TRPV5: variants seen among roughly 807,000 people sequenced by gnomAD.
TRPV5 encodes the protein calcium transport protein 2.
A neutral mutation model predicts 74.1 loss-of-function variants in TRPV5; 66 were observed. The ratio of observed to expected loss-of-function variants is 0.89; its 90% confidence interval spans 0.73 to 1.09. The LOEUF is 1.09. Ranked by LOEUF, TRPV5 falls within the 50% of genes least tolerant of loss-of-function variation. TRPV5 has a pLI of 0.00. For synonymous variants in TRPV5, 399 were observed against 360.7 expected (o/e 1.11, Z -1.20); for missense variants, 936 against 930.4 (o/e 1.01, Z -0.08).
At chr7:142,927,550 A>G (rs1796008088) in intron 7 of TRPV5, among the ~76,000 whole-genome samples, 1 of 152,194 alleles carries the variant, frequency 6.6e-6, no homozygotes, top group South Asian at 2.1e-4. Flanking sequence ...GCAAAAGGCC[A>G]AGAAGAAAGC....
chr7:142,924,124 C>A (rs1795927725), intron 8 of TRPV5, among the ~76,000 whole-genome samples: 1 of 151,586 alleles, frequency 6.6e-6, no homozygotes, highest in Non-Finnish European at 1.5e-5. Flanking sequence ...TGCAGCACAA[C>A]TGCTTCCAGT....
intron 13 of TRPV5, among the ~76,000 whole-genome samples, chr7:142,911,915 T>A (rs1214310906): frequency 6.6e-6 from 1 of 152,216 alleles, no homozygotes; most frequent in Non-Finnish European, 1.5e-5. Context: ...AAATGTCTAA[T>A]AACAAAATCT....
chr7:142,927,250 C>T (rs945190512), intron 7 of TRPV5, among the ~76,000 whole-genome samples: 2 of 152,206 alleles, frequency 1.3e-5, no homozygotes, highest in Non-Finnish European at 1.5e-5. Flanking sequence ...ATGCATGGTA[C>T]ACACAACTAT....
Position 142,909,534 on chromosome 7 carries a change from C to G in TRPV5, c.1851G>C (p.Gly617=). The G allele has an allele frequency of 5.6e-6, 9 of 1,614,130 alleles. No individual in the cohort carries two copies. The highest frequency in any genetic ancestry group is 6.8e-6 in the Non-Finnish European group (8 of 1,180,042). ...KLPRCLWPRS[G]ICGCEFGLGD... is the part of the protein sequence containing the mutation. Reference sequence around the variant, plus strand: ...CCAGCCCGAATTCGCACCCACAGATCCCGGAGCGAGGCCACAGGCAGCGAG... The same window carrying G: ...CCAGCCCGAATTCGCACCCACAGATGCCGGAGCGAGGCCACAGGCAGCGAG... Residue 617 remains glycine (G), a synonymous_variant, in exon 14 of 15, where the codon GGG becomes GGC. Coordinates refer to ENST00000265310, the MANE Select transcript of TRPV5 (RefSeq NM_019841.7).
At chr7:142,912,203 A>C (rs1795711477) in intron 13 of TRPV5, among the ~76,000 whole-genome samples, 1 of 152,228 alleles carries the variant, frequency 6.6e-6, no homozygotes, top group African/African-American at 2.4e-5. Flanking sequence ...TACCAGAACA[A>C]GGTCACTTCT....
Position 142,909,470 on chromosome 7 carries a change from A to G in TRPV5, c.1895+20T>C. The G allele has an allele frequency of 6.2e-7, 1 of 1,612,984 alleles. No individual in the cohort carries two copies. On this transcript the variant is annotated intron_variant, in intron 14 of 14. Transcript: ENST00000265310. ...GCCTTATACACATCTGCAGTTTTGC[A>G]TGTGCACACCATCACTCACCGCAGG...
At chr7:142,924,145 C>T (rs1266470201) in intron 8 of TRPV5, among the ~76,000 whole-genome samples, 2 of 151,128 alleles carry the variant, frequency 1.3e-5, no homozygotes, top group African/African-American at 2.4e-5. Flanking sequence ...GTCTCTAACA[C>T]ATTCAGGCTT....
At chr7:142,929,655 C>G (rs1796050861) in intron 3 of TRPV5, 90 bp from the exon 4 acceptor site, 1 of 1,554,464 alleles carries the variant, frequency 6.4e-7, no homozygotes, top group Non-Finnish European at 8.7e-7. Context: ...TCAGGAGGTT[C>G]CTGATAGATC....
chr7:142,909,090 G>A (rs1230777497), intron 14 of TRPV5, among the ~76,000 whole-genome samples: 1 of 152,092 alleles, frequency 6.6e-6, no homozygotes, highest in Admixed American at 6.5e-5. Context: ...ATGTGAAAGA[G>A]AAAACAGAGC....
At position 142,916,923 on chromosome 7, in the gene TRPV5, G is replaced by A. The variant is rs188405752; in HGVS notation, c.1123-1355C>T. Among the ~76,000 whole-genome samples the A allele has an allele frequency of 3.3e-5, 5 of 150,454 alleles. No individual in the cohort carries two copies. In the East Asian group the frequency reaches 9.7e-4, roughly 29 times the overall value. On this transcript the variant is annotated intron_variant, in intron 8 of 14. Transcript: ENST00000265310. ...TTTTTCTTTTTTGGCTTAAAAAATG[G>A]TATGCTCTGTAAACTTTTCTGACAT...
At chr7:142,930,003 C>G in intron 3 of TRPV5, 55 bp downstream of exon 3, 4 of 1,612,674 alleles carry the variant, frequency 2.5e-6, no homozygotes, top group South Asian at 2.2e-5. Context: ...TAAGAGACAA[C>G]AGCACACCCT....
chr7:142,908,239 G>T lies in TRPV5; in HGVS notation c.*275C>A. ...GAGAAATGGTCCTGACATTAATCTA[G>T]CATCCCTGCCTCATGTCTTTAGTTG... On this transcript the variant is annotated 3_prime_UTR_variant, in exon 15 of 15. Transcript: ENST00000265310. 1 of 535,840 alleles carries T rather than the reference G, an allele frequency of 1.9e-6. No individual in the cohort carries two copies. Among genetic ancestry groups the T allele is most frequent in the Non-Finnish European group, 3.3e-6 (1 of 300,784 alleles). The allele number at this position is 535,840 out of a possible 1,614,324, so 33.2% of individuals were successfully genotyped here. A position where few individuals can be genotyped will look rare whatever the true frequency, so the allele number is the denominator to read the frequency against.
At chr7:142,921,304 C>T (rs907300618) in intron 8 of TRPV5, among the ~76,000 whole-genome samples, 7 of 152,274 alleles carry the variant, frequency 4.6e-5, no homozygotes, top group Middle Eastern at 3.4e-3. Flanking sequence ...TATTTTGAGA[C>T]GGAGTCTCAT....
At chr7:142,933,009 G>A (rs1796121493) in intron 1 of TRPV5, among the ~76,000 whole-genome samples, 2 of 152,128 alleles carry the variant, frequency 1.3e-5, no homozygotes, top group Admixed American at 6.5e-5. Flanking sequence ...GCCTGCTTCT[G>A]CCTTCCCTCC....
At chr7:142,931,017 A>ATTTTTTTTTTTTTTTTTTTTTTTTTTTTT (rs35738386) in intron 1 of TRPV5, among the ~76,000 whole-genome samples, 6 of 100,342 alleles carry the variant, frequency 6.0e-5, no homozygotes, top group Non-Finnish European at 7.3e-5. Flanking sequence ...CCCTCAGGCT[A>ATTTTTTTTTTTTTTTTTTTTTTTTTTTTT]TTTTTTTTTT....
Position 142,909,521 on chromosome 7 carries a change from C to A in TRPV5, c.1864G>T (p.Glu622Ter). 1 of 1,614,080 alleles carries A rather than the reference C, an allele frequency of 6.2e-7. No homozygotes were observed. Among genetic ancestry groups the A allele is most frequent in the Non-Finnish European group, 8.5e-7 (1 of 1,180,038 alleles). ...AACCAGCGGTCCCCCAGCCCGAATT[C>A]GCACCCACAGATCCCGGAGCGAGGC... ...LWPRSGICGC[E>*]FGLGDRWFLR... Residue 622 changes from glutamate to a stop codon, truncating the protein, a stop_gained, in exon 14 of 15, where the codon GAA (glutamate) becomes TAA (stop). Coordinates refer to ENST00000265310, the MANE Select transcript of TRPV5 (RefSeq NM_019841.7). LOFTEE classifies it high-confidence loss of function.
chr7:142,917,835 A>G (rs1795825605), intron 8 of TRPV5, among the ~76,000 whole-genome samples: 1 of 152,208 alleles, frequency 6.6e-6, no homozygotes, highest in Non-Finnish European at 1.5e-5. Context: ...AGACCAGAAT[A>G]CAAACCCTTC....
intron 10 of TRPV5, 31 bp from the exon 11 acceptor site, chr7:142,915,077 C>A: frequency 6.2e-7 from 1 of 1,607,074 alleles, no homozygotes; most frequent in Non-Finnish European, 8.5e-7. Flanking sequence ...GAGTGAGAGA[C>A]AAGCTGGAAC....
chr7:142,922,806 T>C (rs139085438), intron 8 of TRPV5, among the ~76,000 whole-genome samples: 4 of 152,324 alleles, frequency 2.6e-5, no homozygotes, highest in East Asian at 3.9e-4. Context: ...TAGAAATATA[T>C]GGAGATAAGA....
Sources: allele counts gnomAD v4.1 joint callset (sites outside exome capture counted in the v4.1 genomes callset), GRCh38; gene constraint gnomAD v4.1.1; transcripts MANE v1.5; gene names NCBI Gene and HGNC (gene_info 2026-07-23, HGNC 2026-07-21).